The following ZBTB20 variants were observed in gnomAD, a reference collection of about 807,000 sequenced individuals.
The protein encoded by ZBTB20 is zinc finger and BTB domain-containing protein 20.
Under a neutral mutation model 56.9 loss-of-function variants are expected in ZBTB20, and 9 were observed. The ratio of observed to expected loss-of-function variants is 0.16; its 90% CI spans 0.10 to 0.28. ZBTB20 has a LOEUF of 0.28. Ranked by LOEUF, ZBTB20 falls within the 10% of genes least tolerant of loss-of-function variation. The probability of loss-of-function intolerance (pLI) is 1.00; values close to 1 mark genes in which losing one functional copy is unlikely to be tolerated. For synonymous variants in ZBTB20, 417 were observed against 420.7 expected, an observed-to-expected ratio of 0.99 and a Z score of 0.11; for missense variants, 655 against 1,003.0, an observed-to-expected ratio of 0.65 and a Z score of 4.69.
chr3:114,653,275 T>C (rs2060225551), intron 6 of ZBTB20, among the ~76,000 whole-genome samples: 1 of 151,972 alleles, frequency 6.6e-6, no homozygotes. Flanking sequence ...TATGTTTTCA[T>C]AGAGGCCCTT....
intron 6 of ZBTB20, among the ~76,000 whole-genome samples, chr3:114,692,957 G>A (rs1441225500): frequency 1.3e-5 from 2 of 151,946 alleles, no homozygotes; most frequent in Non-Finnish European, 2.9e-5. Context: ...TTTGCTTGTT[G>A]GTAAGTACAA....
At chr3:115,082,756 C>T (rs2108545681) in intron 1 of ZBTB20, among the ~76,000 whole-genome samples, 1 of 152,100 alleles carries the variant, frequency 6.6e-6, no homozygotes, top group Admixed American at 6.6e-5. Flanking sequence ...CAAAGAAAAA[C>T]TGGCAAGCAA....
intron 1 of ZBTB20, among the ~76,000 whole-genome samples, chr3:115,107,996 G>A (rs1484362626): frequency 2.0e-5 from 3 of 152,152 alleles, no homozygotes; most frequent in South Asian, 4.1e-4. Flanking sequence ...GCGGGTGGGG[G>A]GTGAGAGGAG....
intron 3 of ZBTB20, among the ~76,000 whole-genome samples, chr3:114,910,877 A>G (rs1207396309): frequency 1.3e-5 from 2 of 152,010 alleles, no homozygotes; most frequent in African/African-American, 2.4e-5. Context: ...ATTTTAAATA[A>G]AGCATAATTT....
intron 4 of ZBTB20, among the ~76,000 whole-genome samples, chr3:114,854,856 T>C (rs2075169606): frequency 1.3e-5 from 2 of 152,218 alleles, no homozygotes; most frequent in South Asian, 2.1e-4. Context: ...CAATGAATCA[T>C]TTCACTTTTT....
At chr3:114,663,217 G>A (rs1425812274) in intron 6 of ZBTB20, among the ~76,000 whole-genome samples, 1 of 145,898 alleles carries the variant, frequency 6.9e-6, no homozygotes, top group Non-Finnish European at 1.5e-5. Flanking sequence ...AGCCAGAAGA[G>A]AGTGGGGGCC....
chr3:114,877,523 G>A (rs1005723528), intron 4 of ZBTB20, among the ~76,000 whole-genome samples: 7 of 152,144 alleles, frequency 4.6e-5, no homozygotes, highest in Non-Finnish European at 1.0e-4. Flanking sequence ...AATTCAAGAA[G>A]GAAAATGCTG....
intron 3 of ZBTB20, among the ~76,000 whole-genome samples, chr3:114,924,459 TATAGAAAGACAA>T (rs1316412308): frequency 6.6e-6 from 1 of 152,162 alleles, no homozygotes; most frequent in Non-Finnish European, 1.5e-5. Flanking sequence ...ATAAGCAAGA[TATAGAAAGACAA>T]ATAGTCTGTG....
In ZBTB20 at chr3:115,020,253, A is replaced by T. The variant is rs548198860; in HGVS notation, c.-506-45837T>A. The stretch of plus-strand genomic sequence containing the variant: ...TCAAAAAGACAAATTATATTTTAAA[A>T]TTGATATATGTGTGAGCATGGTTAT... On this transcript the variant is annotated intron_variant, in intron 2 of 11. Coordinates refer to ENST00000675478, the MANE Select transcript of ZBTB20 (RefSeq NM_001348800.3). Among the ~76,000 whole-genome samples, 11 of 151,310 alleles carry T rather than the reference A, an allele frequency of 7.3e-5. No individual in the cohort carries two copies. In the South Asian group the frequency reaches 2.1e-3, roughly 29 times the overall value.
At chr3:114,764,262 T>C (rs867284253) in intron 5 of ZBTB20, among the ~76,000 whole-genome samples, 7 of 151,526 alleles carry the variant, frequency 4.6e-5, no homozygotes, top group African/African-American at 9.7e-5. Flanking sequence ...TTTTTTTTTT[T>C]TTTTGTCCTG....
chr3:115,129,022 C>T (rs1425432668), intron 1 of ZBTB20, among the ~76,000 whole-genome samples: 1 of 152,040 alleles, frequency 6.6e-6, no homozygotes, highest in East Asian at 1.9e-4. Context: ...TGGCGTGAAC[C>T]CGGGAGGCAG....
intron 6 of ZBTB20, among the ~76,000 whole-genome samples, chr3:114,641,353 A>T (rs919307529): frequency 5.9e-5 from 9 of 152,020 alleles, no homozygotes; most frequent in African/African-American, 2.2e-4. Context: ...GATCTTGTAC[A>T]CCAAGGCCAA....
At chr3:114,802,951 G>C (rs1282706241) in intron 4 of ZBTB20, among the ~76,000 whole-genome samples, 2 of 151,638 alleles carry the variant, frequency 1.3e-5, no homozygotes, top group Non-Finnish European at 2.9e-5. Flanking sequence ...TCCTCAATTT[G>C]CCAGATGTTG....
intron 5 of ZBTB20, among the ~76,000 whole-genome samples, chr3:114,769,962 G>C (rs60780543): frequency 0.034 from 5,202 of 151,974 alleles, 141 homozygotes; most frequent in African/African-American, 0.07. Context: ...CAGAGGCTGA[G>C]GCAGGAGAAT....
chr3:114,554,210 C>T (rs2050922612), intron 6 of ZBTB20, among the ~76,000 whole-genome samples: 1 of 152,112 alleles, frequency 6.6e-6, no homozygotes. Flanking sequence ...TAAAGGAAAC[C>T]AAGGACCACT....
At chr3:114,858,886 C>T (rs2075364218) in intron 4 of ZBTB20, among the ~76,000 whole-genome samples, 3 of 152,060 alleles carry the variant, frequency 2.0e-5, no homozygotes, top group South Asian at 4.1e-4. Flanking sequence ...TGTCCTACTA[C>T]TTATCTAAAA....
intron 3 of ZBTB20, among the ~76,000 whole-genome samples, chr3:114,903,959 T>C (rs1460593731): frequency 6.6e-6 from 1 of 152,022 alleles, no homozygotes; most frequent in Non-Finnish European, 1.5e-5. Flanking sequence ...GTTGTTCTAG[T>C]CCTTATTTGT....
At chr3:114,632,777 T>G (rs1321280551) in intron 6 of ZBTB20, among the ~76,000 whole-genome samples, 1 of 152,198 alleles carries the variant, frequency 6.6e-6, no homozygotes, top group Non-Finnish European at 1.5e-5. Flanking sequence ...GCACATGGGC[T>G]GATAATCAGG....
At chr3:114,765,989 TTTTA>T (rs1487784312) in intron 5 of ZBTB20, among the ~76,000 whole-genome samples, 2 of 152,176 alleles carry the variant, frequency 1.3e-5, no homozygotes, top group Non-Finnish European at 2.9e-5. Context: ...ATCAACTTAT[TTTTA>T]TTTGTTTGTT....
Sources: gnomAD v4.1 joint callset for allele counts (sites outside exome capture counted in the v4.1 genomes callset) on GRCh38, gnomAD v4.1.1 for gene constraint, MANE v1.5 for transcripts, NCBI Gene and HGNC (gene_info 2026-07-23, HGNC 2026-07-21) for gene names.